The following SUPT16H variants were observed in gnomAD, a reference collection of about 807,000 sequenced individuals.
SUPT16H encodes the protein SPT16 homolog, facilitates chromatin remodeling subunit.
A neutral mutation model predicts 136.2 loss-of-function variants in SUPT16H; 24 were observed. That is an observed-to-expected ratio of 0.18 (90% CI 0.13 to 0.25). SUPT16H has a LOEUF of 0.25. SUPT16H is among the 10% of genes least tolerant of loss of function. The pLI, the probability that SUPT16H is intolerant of heterozygous loss-of-function variation, is 1.00. For synonymous variants in SUPT16H, 415 were observed against 428.2 expected (o/e 0.97, Z 0.38); for missense variants, 623 against 1,270.2 (o/e 0.49, Z 7.74).
chr14:21,371,807 A>G (rs986773057), intron 3 of SUPT16H, 67 bp downstream of exon 3: 1 of 1,585,712 alleles, frequency 6.3e-7, no homozygotes, highest in African/African-American at 1.4e-5. Context: ...AACTCCTATA[A>G]GGCATTTCTG....
chr14:21,379,732 A>T (rs569658347), intron 1 of SUPT16H, among the ~76,000 whole-genome samples: 1 of 151,848 alleles, frequency 6.6e-6, no homozygotes, highest in Non-Finnish European at 1.5e-5. Flanking sequence ...ATAATAATAA[A>T]AATTGGTCAA....
intron 1 of SUPT16H, among the ~76,000 whole-genome samples, chr14:21,375,405 A>C (rs143155111): frequency 5.3e-5 from 8 of 152,228 alleles, no homozygotes; most frequent in African/African-American, 1.9e-4. Context: ...CTCTTGGAGA[A>C]ATGCCTGTTC....
At chr14:21,364,326 C>A (rs189695487) in intron 10 of SUPT16H, among the ~76,000 whole-genome samples, 1 of 151,546 alleles carries the variant, frequency 6.6e-6, no homozygotes, top group East Asian at 1.9e-4. Context: ...AGAGAGAACG[C>A]AGTTTAGTCA....
intron 1 of SUPT16H, chr14:21,383,390 A>C: frequency 2.1e-6 from 1 of 478,414 alleles, no homozygotes; most frequent in Non-Finnish European, 3.7e-6. Context: ...AAAGCCCCGC[A>C]AACGATAAAC....
chr14:21,359,592 C>T lies in SUPT16H; in HGVS notation c.2193G>A (p.Gly731=). ...ACTGCACATCCGTGTGCCGCTTCTT[C>T]CCAAACATGATGGCATTCTGTCGGC... ...HFHLKNAIMF[G]KKRHTDVQFY... Residue 731 remains glycine (G), a synonymous_variant, in exon 19 of 26, where the codon GGG becomes GGA. Coordinates refer to ENST00000216297, the MANE Select transcript of SUPT16H (RefSeq NM_007192.4). 2 of 1,613,708 alleles carry T rather than the reference C, an allele frequency of 1.2e-6. No individual in the cohort carries two copies. The highest frequency in any genetic ancestry group is 8.5e-7 in the Non-Finnish European group (1 of 1,179,900).
At chr14:21,365,587 A>C (rs1886647624) in intron 8 of SUPT16H, among the ~76,000 whole-genome samples, 1 of 152,244 alleles carries the variant, frequency 6.6e-6, no homozygotes, top group Non-Finnish European at 1.5e-5. Context: ...GAAGTCTAGA[A>C]ACTATATACC....
chr14:21,361,311 CTTTTTTTTTTT>C (rs35486887), intron 15 of SUPT16H, 98 bp from the exon 16 acceptor site: 70 of 462,228 alleles, frequency 1.5e-4, no homozygotes, highest in South Asian at 8.6e-4. Context: ...CTCTACTTTG[CTTTTTTTTTTT>C]TTTTTTTTTT....
intron 7 of SUPT16H, among the ~76,000 whole-genome samples, chr14:21,367,608 G>A (rs1405367460): frequency 1.3e-5 from 2 of 152,158 alleles, no homozygotes; most frequent in Admixed American, 6.5e-5. Context: ...CCTTCGTATC[G>A]TTTTGATGTA....
intron 19 of SUPT16H, among the ~76,000 whole-genome samples, chr14:21,359,084 C>A (rs779822082): frequency 6.7e-6 from 1 of 148,670 alleles, no homozygotes; most frequent in Non-Finnish European, 1.5e-5. Flanking sequence ...GGATTATAGG[C>A]GTGAGCCACT....
At chr14:21,358,815 T>A (rs758230003) in intron 19 of SUPT16H, among the ~76,000 whole-genome samples, 7 of 152,216 alleles carry the variant, frequency 4.6e-5, no homozygotes, top group Non-Finnish European at 8.8e-5. Context: ...TTTATTTATT[T>A]ATTTATTTTT....
chr14:21,381,475 G>C lies in SUPT16H; in HGVS notation c.66+2387C>G, dbSNP rs566457165. ...GGAACTACCAGGTTCAACCACTACAGCTTTTAAGGGCTTATAATCAAGAGT... is the reference window on the plus strand; with the variant it reads ...GGAACTACCAGGTTCAACCACTACACCTTTTAAGGGCTTATAATCAAGAGT... On this transcript the variant is annotated intron_variant, in intron 1 of 25. Coordinates refer to ENST00000216297, the MANE Select transcript of SUPT16H (RefSeq NM_007192.4). Among the ~76,000 whole-genome samples, 194 of 151,986 alleles carry C rather than the reference G, an allele frequency of 1.3e-3. 2 individuals are homozygous for C. Among genetic ancestry groups the C allele is most frequent in the African/African-American group, 4.4e-3 (182 of 41,454 alleles).
At chr14:21,362,152 CT>C in intron 15 of SUPT16H, 44 bp downstream of exon 15, 1 of 1,596,868 alleles carries the variant, frequency 6.3e-7, no homozygotes, top group Non-Finnish European at 8.5e-7. Flanking sequence ...GAGAGTACCA[CT>C]CCAGACAAGA....
At chr14:21,383,834 C>T (rs367801925) in intron 1 of SUPT16H, 28 bp downstream of exon 1, 52 of 1,613,590 alleles carry the variant, frequency 3.2e-5, no homozygotes, top group Non-Finnish European at 4.4e-5. Flanking sequence ...AGGGGGCTCC[C>T]TAGGAAAAAT....
rs1566384325 is a variant in SUPT16H at position 21,361,125 on chromosome 14, CTTCT to C, written c.1878_1881del (p.Glu627TyrfsTer19). On this transcript the variant is annotated frameshift_variant, in exon 16 of 26. Coordinates refer to ENST00000216297, the MANE Select transcript of SUPT16H (RefSeq NM_007192.4). LOFTEE classifies it high-confidence loss of function. ...TCTCGAGTTTTATAACGTTTCTGTA[CTTCT>C]TTAATAATTCGGAAAGCATTCTGAA... The C allele has an allele frequency of 6.2e-7, 1 of 1,614,106 alleles. No individual in the cohort carries two copies. Among genetic ancestry groups the C allele is most frequent in the Middle Eastern group, 1.6e-4 (1 of 6,062 alleles).
At position 21,383,983 on chromosome 14, in the gene SUPT16H, G is replaced by C. The variant is rs529540234; in HGVS notation, c.-56C>G. On this transcript the variant is annotated 5_prime_UTR_variant, in exon 1 of 26. Coordinates refer to ENST00000216297, the MANE Select transcript of SUPT16H (RefSeq NM_007192.4). Reference sequence around the variant, plus strand: ...GAGAATCACGCGAGGTCCCGGCTCAGCCACCCGCTCTCGGCCCAGGAATCC... The same window carrying C: ...GAGAATCACGCGAGGTCCCGGCTCACCCACCCGCTCTCGGCCCAGGAATCC... 1.0e-5 allele frequency: 16 copies of C among 1,603,948 alleles called. No homozygotes were observed. The East Asian group carries it at 3.3e-4, about 34-fold the overall frequency.
At chr14:21,366,987 C>G (rs1046216487) in intron 7 of SUPT16H, among the ~76,000 whole-genome samples, 1 of 152,132 alleles carries the variant, frequency 6.6e-6, no homozygotes, top group Admixed American at 6.5e-5. Flanking sequence ...GTTGCCCAGG[C>G]TGGAGTGCAG....
At chr14:21,380,994 A>G (rs1269330928) in intron 1 of SUPT16H, among the ~76,000 whole-genome samples, 1 of 151,728 alleles carries the variant, frequency 6.6e-6, no homozygotes, top group Non-Finnish European at 1.5e-5. Flanking sequence ...AACCACCACT[A>G]CCACCTGCGA....
At position 21,371,991 on chromosome 14, in the gene SUPT16H, G is replaced by T; in HGVS notation, c.213C>A (p.Asp71Glu). The stretch of plus-strand genomic sequence containing the variant: ...TCTTGCTGGCCATAAAGATGATTTT[G>T]TCATCACAAAAGACCATGATAGTAT... ...LTDTIMVFCD[D>E]KIIFMASKKK... is the part of the protein sequence containing the mutation. Residue 71 changes from aspartate (D) to glutamate (E), a missense_variant, in exon 3 of 26, where the codon GAC becomes GAA. Coordinates refer to ENST00000216297, the MANE Select transcript of SUPT16H (RefSeq NM_007192.4). 1.2e-6 allele frequency: 2 copies of T among 1,613,910 alleles called. No individual in the cohort carries two copies. Among genetic ancestry groups the T allele is most frequent in the Non-Finnish European group, 1.7e-6 (2 of 1,179,990 alleles).
chr14:21,357,081 C>A (rs1886451048), intron 22 of SUPT16H, 116 bp downstream of exon 22: 2 of 1,113,702 alleles, frequency 1.8e-6, no homozygotes, highest in Non-Finnish European at 2.4e-6. Flanking sequence ...CTGTAACAAC[C>A]AAAAGGCAGT....
Sources: gnomAD v4.1 joint callset for allele counts (sites outside exome capture counted in the v4.1 genomes callset) on GRCh38, gnomAD v4.1.1 for gene constraint, MANE v1.5 for transcripts, NCBI Gene and HGNC (gene_info 2026-07-23, HGNC 2026-07-21) for gene names.